Variants in RPA3 observed in about 807,000 individuals in gnomAD.
RPA3 encodes the protein replication protein A 14 kDa subunit.
In RPA3, 24 loss-of-function variants were observed where a neutral mutation model predicts 13.7. That is an observed-to-expected ratio of 1.75 (90% CI 1.27 to 2.46). The LOEUF is 2.46. Ranked by LOEUF, RPA3 falls within the 30% of genes most tolerant of loss-of-function variation. RPA3 has a pLI of 0.00. For missense variants in RPA3, 183 were observed against 151.0 expected, an observed-to-expected ratio of 1.21 and a Z score of -1.11; for synonymous variants, 59 against 51.2, an observed-to-expected ratio of 1.15 and a Z score of -0.65.
intron 4 of RPA3, chr7:7,673,340 CA>C (rs1779655533): frequency 8.0e-7 from 1 of 1,252,404 alleles, no homozygotes; most frequent in African/African-American, 1.5e-5. Flanking sequence ...GCAGCAGCAG[CA>C]GCAGCAGCAG....
At chr7:7,644,299 G>C (rs1785045842) in intron 4 of RPA3, among the ~76,000 whole-genome samples, 1 of 148,340 alleles carries the variant, frequency 6.7e-6, no homozygotes, top group South Asian at 2.1e-4. Context: ...TATTGTAATG[G>C]TACAAGTGTT....
At chr7:7,708,572 A>C (rs1200833062) in intron 2 of RPA3, among the ~76,000 whole-genome samples, 1 of 152,206 alleles carries the variant, frequency 6.6e-6, no homozygotes, top group Non-Finnish European at 1.5e-5. Flanking sequence ...CATTGAAAGG[A>C]AACCTTTAAA....
chr7:7,699,742 G>T (rs1285375386), intron 2 of RPA3, among the ~76,000 whole-genome samples: 2 of 152,156 alleles, frequency 1.3e-5, no homozygotes, highest in African/African-American at 4.8e-5. Context: ...AACTTGTAAG[G>T]TTCTGTAATC....
At chr7:7,694,739 A>C (rs1443782203) in intron 2 of RPA3, among the ~76,000 whole-genome samples, 1 of 152,192 alleles carries the variant, frequency 6.6e-6, no homozygotes, top group Non-Finnish European at 1.5e-5. Flanking sequence ...ATGGCTGAAT[A>C]GTACTCCATT....
At position 7,640,387 on chromosome 7, in the gene RPA3, C is replaced by A; in HGVS notation, c.32G>T (p.Arg11Leu). ...TTGAGCTAGCATGCCGGCGTTGATG[C>A]GCGACCTGGGCAAGTCCATCATGTC... MVDMMDLPRS[R>L]INAGMLAQFI... Residue 11 changes from arginine to leucine, a missense_variant, in exon 5 of 8, where the codon CGC becomes CTC. Coordinates refer to ENST00000223129, the MANE Select transcript of RPA3 (RefSeq NM_002947.5). 2 of 1,614,044 alleles carry A rather than the reference C, an allele frequency of 1.2e-6. No individual in the cohort carries two copies. The highest frequency in any genetic ancestry group is 1.7e-6 in the Non-Finnish European group (2 of 1,180,028).
intron 4 of RPA3, among the ~76,000 whole-genome samples, chr7:7,646,910 A>T (rs546624755): frequency 2.1e-4 from 32 of 152,280 alleles, no homozygotes; most frequent in African/African-American, 7.2e-4. Context: ...AAAAGGCAAC[A>T]TTTGGGTGCA....
intron 4 of RPA3, chr7:7,641,513 C>G (rs1021950024): frequency 6.6e-6 from 1 of 152,144 alleles, no homozygotes; most frequent in Non-Finnish European, 1.5e-5. Context: ...GTTTAAACCC[C>G]CTCAGCAGTC....
chr7:7,638,043 T>C, intron 6 of RPA3, 71 bp from the exon 7 acceptor site: 1 of 1,114,486 alleles, frequency 9.0e-7, no homozygotes, highest in African/African-American at 1.5e-5. Flanking sequence ...GGAAAACTGT[T>C]ATACAGGTTA....
chr7:7,691,283 A>C (rs1780166602), intron 2 of RPA3, among the ~76,000 whole-genome samples: 1 of 152,220 alleles, frequency 6.6e-6, no homozygotes, highest in Non-Finnish European at 1.5e-5. Context: ...AAGGAAAAAA[A>C]CTTGTAAACA....
intron 4 of RPA3, among the ~76,000 whole-genome samples, chr7:7,659,404 C>T (rs149464291): frequency 3.9e-5 from 6 of 152,006 alleles, no homozygotes; most frequent in Admixed American, 2.0e-4. Context: ...GTTAGGGTGT[C>T]GATTTTAGAT....
rs1006036352 is a variant in RPA3 at position 7,673,453 on chromosome 7, G to A, written c.-758+12377C>T. 4 of 836,336 alleles carry A rather than the reference G, an allele frequency of 4.8e-6. No homozygotes were observed. The African/African-American group carries it at 6.7e-5, about 14-fold the overall frequency. The allele number at this position is 836,336 out of a possible 1,614,324, so 51.8% of individuals were successfully genotyped here. On this transcript the variant is annotated intron_variant, in intron 4 of 7. Transcript: ENST00000223129. ...AGAAGCAGATGGATTCGTCCTTTTAGGTGAGTCTTTTTAAGAAACAAAATA... is the reference window on the plus strand; with the variant it reads ...AGAAGCAGATGGATTCGTCCTTTTAAGTGAGTCTTTTTAAGAAACAAAATA...
At chr7:7,644,809 C>T (rs1439402520) in intron 4 of RPA3, among the ~76,000 whole-genome samples, 1 of 152,090 alleles carries the variant, frequency 6.6e-6, no homozygotes, top group Non-Finnish European at 1.5e-5. Flanking sequence ...ATTTTTGTCT[C>T]TTTGCTCTTC....
chr7:7,658,245 G>A (rs993141053), intron 4 of RPA3, among the ~76,000 whole-genome samples: 3 of 152,236 alleles, frequency 2.0e-5, no homozygotes, highest in Non-Finnish European at 2.9e-5. Context: ...ATACAATCAT[G>A]TCATCTGCAA....
chr7:7,675,243 G>T (rs963224915), intron 4 of RPA3, among the ~76,000 whole-genome samples: 67 of 152,204 alleles, frequency 4.4e-4, no homozygotes, highest in African/African-American at 1.5e-3. Flanking sequence ...CTGTAAGTTG[G>T]GTGTACTGGC....
intron 2 of RPA3, among the ~76,000 whole-genome samples, chr7:7,711,937 G>A (rs1261891043): frequency 1.3e-5 from 2 of 151,976 alleles, no homozygotes; most frequent in Non-Finnish European, 2.9e-5. Context: ...TTATAGTGTG[G>A]TATAGCGATC....
chr7:7,645,461 T>C (rs1203718961), intron 4 of RPA3, among the ~76,000 whole-genome samples: 1 of 152,232 alleles, frequency 6.6e-6, no homozygotes, highest in Non-Finnish European at 1.5e-5. Flanking sequence ...TATTTATGGT[T>C]ATCTCATAGG....
intron 4 of RPA3, among the ~76,000 whole-genome samples, chr7:7,659,754 G>A (rs1785429372): frequency 6.6e-6 from 1 of 152,176 alleles, no homozygotes; most frequent in African/African-American, 2.4e-5. Flanking sequence ...GTATGATGTG[G>A]TGCTGAGAAG....
chr7:7,662,140 A>C (rs1785489826), intron 4 of RPA3, among the ~76,000 whole-genome samples: 1 of 152,074 alleles, frequency 6.6e-6, no homozygotes, highest in Non-Finnish European at 1.5e-5. Context: ...AAGCCTCAGT[A>C]ATGGCAGATG....
chr7:7,644,805 G>C (rs1437857966), intron 4 of RPA3, among the ~76,000 whole-genome samples: 1 of 152,052 alleles, frequency 6.6e-6, no homozygotes, highest in Non-Finnish European at 1.5e-5. Flanking sequence ...GGTTATTTTT[G>C]TCTCTTTGCT....
Sources: gnomAD v4.1 joint callset for allele counts (sites outside exome capture counted in the v4.1 genomes callset) on GRCh38, gnomAD v4.1.1 for gene constraint, MANE v1.5 for transcripts, NCBI Gene and HGNC (gene_info 2026-07-23, HGNC 2026-07-21) for gene names.